The following FAM168A variants were observed in gnomAD, a reference collection of about 807,000 sequenced individuals.
FAM168A encodes family with sequence similarity 168 member A.
A neutral mutation model predicts 28.5 loss-of-function variants in FAM168A; 3 were observed. The observed-to-expected ratio is 0.11, with a 90% CI of 0.05 to 0.27. The LOEUF is 0.27. FAM168A is among the 10% of genes least tolerant of loss of function. FAM168A has a pLI of 1.00. For missense variants in FAM168A, 222 were observed against 311.5 expected, an observed-to-expected ratio of 0.71 and a Z score of 2.16; for synonymous variants, 122 against 124.2, an observed-to-expected ratio of 0.98 and a Z score of 0.12.
At chr11:73,423,612 G>GT (rs1866835545) in intron 3 of FAM168A, among the ~76,000 whole-genome samples, 1 of 152,086 alleles carries the variant, frequency 6.6e-6, no homozygotes, top group Non-Finnish European at 1.5e-5. Flanking sequence ...ACTCCATCTG[G>GT]TAATATTAAT....
Position 73,507,441 on chromosome 11 carries a change from C to T in FAM168A, c.-18-38949G>A, listed in dbSNP as rs79651186. Among the ~76,000 whole-genome samples the T allele has an allele frequency of 8.7e-3, 1,325 of 152,154 alleles. 13 individuals are homozygous for T. Among genetic ancestry groups the T allele is most frequent in the Non-Finnish European group, 0.014 (948 of 67,992 alleles). ...TTAAATAATCAAAATTCAGGTCCTA[C>T]AAAGAGGGGAATAACAGACACTGAG... On this transcript the variant is annotated intron_variant, in intron 1 of 7. Coordinates refer to ENST00000356467, the MANE Select transcript of FAM168A (RefSeq NM_015159.3).
chr11:73,515,410 G>A (rs1317361731), intron 1 of FAM168A, among the ~76,000 whole-genome samples: 1 of 151,572 alleles, frequency 6.6e-6, no homozygotes, highest in Non-Finnish European at 1.5e-5. Flanking sequence ...TCCGGAGGCT[G>A]AGGCAGGAGA....
chr11:73,471,382 GTTC>G (rs2134580500), intron 1 of FAM168A, among the ~76,000 whole-genome samples: 1 of 151,966 alleles, frequency 6.6e-6, no homozygotes, highest in South Asian at 2.1e-4. Flanking sequence ...TTAATGACAG[GTTC>G]ATTAAAGTAT....
At chr11:73,472,691 G>A (rs1175772116) in intron 1 of FAM168A, among the ~76,000 whole-genome samples, 2 of 152,210 alleles carry the variant, frequency 1.3e-5, no homozygotes, top group Non-Finnish European at 2.9e-5. Flanking sequence ...AGTGATGGTG[G>A]TGGTGGAAAC....
chr11:73,443,997 C>G (rs150749902), intron 2 of FAM168A, among the ~76,000 whole-genome samples: 92 of 152,272 alleles, frequency 6.0e-4, no homozygotes, highest in African/African-American at 2.1e-3. Context: ...GAAGATATTT[C>G]CTCCTCTGGC....
chr11:73,427,209 T>G (rs1866902238), intron 3 of FAM168A, among the ~76,000 whole-genome samples: 1 of 152,016 alleles, frequency 6.6e-6, no homozygotes, highest in Admixed American at 6.6e-5. Context: ...GCCAGGATGG[T>G]CTCTATCTCC....
At chr11:73,461,925 A>C (rs1867653412) in intron 2 of FAM168A, among the ~76,000 whole-genome samples, 1 of 152,324 alleles carries the variant, frequency 6.6e-6, no homozygotes, top group East Asian at 1.9e-4. Flanking sequence ...TTTCATATCC[A>C]TTATGATGGC....
intron 1 of FAM168A, among the ~76,000 whole-genome samples, chr11:73,537,864 A>C (rs1321947779): frequency 6.6e-6 from 1 of 152,170 alleles, no homozygotes; most frequent in Non-Finnish European, 1.5e-5. Flanking sequence ...ACTTTTTAGA[A>C]CTATATTAAA....
rs115841180 is a variant in FAM168A, at chr11:73,487,040, T to C, written c.-18-18548A>G. Among the ~76,000 whole-genome samples, 216 of 152,336 alleles carry C rather than the reference T, an allele frequency of 1.4e-3. 1 individual carries two copies. The highest frequency in any genetic ancestry group is 4.9e-3 in the African/African-American group (203 of 41,574). ...AAGACCAATGTGAATAAAATACGAA[T>C]GATCTTACTAAAAACAAACAGAAAA... is the stretch of plus-strand genomic sequence containing the variant. On this transcript the variant is annotated intron_variant, in intron 1 of 7. Transcript: ENST00000356467.
chr11:73,538,664 A>C (rs1943613356), intron 1 of FAM168A, among the ~76,000 whole-genome samples: 1 of 152,224 alleles, frequency 6.6e-6, no homozygotes, highest in South Asian at 2.1e-4. Flanking sequence ...TGGGTTTGAG[A>C]AGCAGATGGC....
At chr11:73,462,564 C>T (rs1046448904) in intron 2 of FAM168A, among the ~76,000 whole-genome samples, 1 of 152,130 alleles carries the variant, frequency 6.6e-6, no homozygotes, top group African/African-American at 2.4e-5. Flanking sequence ...CTTAATGCCA[C>T]TAAATAGTAC....
intron 1 of FAM168A, among the ~76,000 whole-genome samples, chr11:73,536,414 G>A (rs955403289): frequency 5.3e-5 from 8 of 152,304 alleles, no homozygotes; most frequent in African/African-American, 9.6e-5. Context: ...CAGGCCAAGC[G>A]CGGTAGATCA....
At chr11:73,540,742 T>C (rs1024428535) in intron 1 of FAM168A, among the ~76,000 whole-genome samples, 6 of 152,184 alleles carry the variant, frequency 3.9e-5, no homozygotes, top group Non-Finnish European at 4.4e-5. Flanking sequence ...TTATTTTTTA[T>C]TATGGCCCTT....
At chr11:73,493,724 A>C (rs1854809115) in intron 1 of FAM168A, among the ~76,000 whole-genome samples, 1 of 152,086 alleles carries the variant, frequency 6.6e-6, no homozygotes, top group East Asian at 1.9e-4. Context: ...GCCTTGTTTT[A>C]TTTTTATTTA....
chr11:73,543,176 T>A (rs1014305898), intron 1 of FAM168A, among the ~76,000 whole-genome samples: 1 of 152,158 alleles, frequency 6.6e-6, no homozygotes, highest in African/African-American at 2.4e-5. Flanking sequence ...GCACGGACTT[T>A]ATTTTATTCA....
At chr11:73,419,740 G>T in intron 4 of FAM168A, 134 bp downstream of exon 4, 1 of 1,074,004 alleles carries the variant, frequency 9.3e-7, no homozygotes, top group Non-Finnish European at 1.3e-6. Flanking sequence ...GTAATTTTTT[G>T]CCTGGGTAAA....
At chr11:73,487,757 C>T (rs547122170) in intron 1 of FAM168A, among the ~76,000 whole-genome samples, 3 of 152,212 alleles carry the variant, frequency 2.0e-5, no homozygotes, top group Non-Finnish European at 4.4e-5. Flanking sequence ...ATATCTCATT[C>T]GCCAAACACC....
At chr11:73,588,917 C>T (rs933872128) in intron 1 of FAM168A, among the ~76,000 whole-genome samples, 1 of 152,130 alleles carries the variant, frequency 6.6e-6, no homozygotes, top group Non-Finnish European at 1.5e-5. Context: ...CCTGTCCACT[C>T]GCACTTATTC....
intron 3 of FAM168A, among the ~76,000 whole-genome samples, chr11:73,427,476 C>G (rs1028806647): frequency 6.6e-6 from 1 of 152,144 alleles, no homozygotes; most frequent in Non-Finnish European, 1.5e-5. Context: ...GCCAGTCTAA[C>G]GCCTTAATTT....
Sources: gnomAD v4.1 joint callset for allele counts (sites outside exome capture counted in the v4.1 genomes callset) on GRCh38, gnomAD v4.1.1 for gene constraint, MANE v1.5 for transcripts, NCBI Gene and HGNC (gene_info 2026-07-23, HGNC 2026-07-21) for gene names.